The following KIAA0825 variants were observed in gnomAD, a reference collection of about 807,000 sequenced individuals.
The protein encoded by KIAA0825 is KIAA0825.
KIAA0825 carries 119 observed loss-of-function variants against 147.6 expected under a neutral mutation model. The ratio of observed to expected loss-of-function variants is 0.81; its 90% CI spans 0.69 to 0.94. The LOEUF (loss-of-function observed/expected upper bound fraction) is 0.94, where lower values mean the gene tolerates loss of function less well. Ranked by LOEUF, KIAA0825 falls within the 40% of genes least tolerant of loss-of-function variation. The pLI, the probability that KIAA0825 is intolerant of heterozygous loss-of-function variation, is 0.00. For missense variants in KIAA0825, 1,381 were observed against 1,472.7 expected (o/e 0.94, Z 1.02); for synonymous variants, 470 against 518.1 (o/e 0.91, Z 1.26).
At chr5:94,365,304 C>T (rs575973829) in intron 20 of KIAA0825, among the ~76,000 whole-genome samples, 6 of 152,310 alleles carry the variant, frequency 3.9e-5, no homozygotes, top group African/African-American at 1.4e-4. Context: ...ATTCCCTTGG[C>T]GTGAGACGGC....
At position 94,520,574 on chromosome 5, in the gene KIAA0825, A is replaced by G. The variant is rs1767978515; in HGVS notation, c.644T>C (p.Ile215Thr). The stretch of plus-strand genomic sequence containing the variant: ...AAGATTAGCCAACAGTTTATTCTGT[A>G]TGTTTTGGTATTTGATTATAACTTC... ...ESEVIIKYQN[I>T]QNKLLANLLW... is the part of the protein sequence containing the mutation. The change falls in exon 5 of 21, where the codon ATA becomes ACA. Residue 215 changes from isoleucine to threonine, a missense_variant. Ile to Thr is a moderately conservative substitution (Grantham distance 89). Transcript: ENST00000682413. 5 of 1,613,264 alleles carry G rather than the reference A, an allele frequency of 3.1e-6. No homozygotes were observed. The highest frequency in any genetic ancestry group is 3.4e-6 in the Non-Finnish European group (4 of 1,179,504).
At chr5:94,532,003 T>A (rs1770891652) in intron 3 of KIAA0825, among the ~76,000 whole-genome samples, 1 of 152,098 alleles carries the variant, frequency 6.6e-6, no homozygotes, top group African/African-American at 2.4e-5. Context: ...GAAAGCAAAT[T>A]TTTAATATGG....
At chr5:94,266,503 TA>T (rs905330099) in intron 20 of KIAA0825, among the ~76,000 whole-genome samples, 5 of 152,068 alleles carry the variant, frequency 3.3e-5, no homozygotes, top group Non-Finnish European at 5.9e-5. Flanking sequence ...GGTGCTGTAT[TA>T]AAAAAAATCC....
chr5:94,390,159 T>A (rs1054525121), intron 18 of KIAA0825, among the ~76,000 whole-genome samples: 2 of 152,208 alleles, frequency 1.3e-5, no homozygotes, highest in African/African-American at 4.8e-5. Context: ...TTTTGGATGA[T>A]ATTGCTTATT....
chr5:94,596,297 T>C (rs1229993139), intron 1 of KIAA0825, among the ~76,000 whole-genome samples: 4 of 152,242 alleles, frequency 2.6e-5, no homozygotes, highest in Admixed American at 2.0e-4. Context: ...AACTTCTGCA[T>C]ATGGCTAGCC....
chr5:94,347,978 A>G (rs1331845904), intron 20 of KIAA0825, among the ~76,000 whole-genome samples: 3 of 152,212 alleles, frequency 2.0e-5, no homozygotes, highest in Admixed American at 1.3e-4. Context: ...GGTTGGACAT[A>G]TGTTTAGAAA....
chr5:94,574,704 A>AT (rs966071786), intron 2 of KIAA0825, among the ~76,000 whole-genome samples: 2 of 151,856 alleles, frequency 1.3e-5, no homozygotes, highest in African/African-American at 4.8e-5. Flanking sequence ...TTATGTCTTC[A>AT]TTTTTTTTAA....
intron 20 of KIAA0825, among the ~76,000 whole-genome samples, chr5:94,329,672 G>A (rs561836366): frequency 5.1e-4 from 78 of 152,122 alleles, no homozygotes; most frequent in Admixed American, 3.4e-3. Flanking sequence ...TAAATAATAC[G>A]CAAATTAGGA....
intron 2 of KIAA0825, among the ~76,000 whole-genome samples, chr5:94,552,510 C>T (rs1457875966): frequency 6.6e-6 from 1 of 152,138 alleles, no homozygotes; most frequent in Non-Finnish European, 1.5e-5. Context: ...TATGTTAGGA[C>T]ACAAAACAAA....
chr5:94,374,661 G>A (rs1747265728), intron 20 of KIAA0825, among the ~76,000 whole-genome samples: 1 of 152,128 alleles, frequency 6.6e-6, no homozygotes, highest in Non-Finnish European at 1.5e-5. Context: ...TTTCTAGTGG[G>A]TGACTTTAGC....
intron 20 of KIAA0825, among the ~76,000 whole-genome samples, chr5:94,261,233 G>C (rs1776478281): frequency 6.6e-6 from 1 of 152,096 alleles, no homozygotes; most frequent in Non-Finnish European, 1.5e-5. Flanking sequence ...AGCCCCACAG[G>C]TCAAGGCTGC....
At chr5:94,383,512 C>T (rs1272819667) in intron 20 of KIAA0825, among the ~76,000 whole-genome samples, 1 of 152,066 alleles carries the variant, frequency 6.6e-6, no homozygotes, top group Non-Finnish European at 1.5e-5. Flanking sequence ...TCACAAAGAT[C>T]ATATAGACGA....
At chr5:94,478,482 C>CACACACACACACACAA (rs1762149449) in intron 6 of KIAA0825, among the ~76,000 whole-genome samples, 1 of 150,364 alleles carries the variant, frequency 6.7e-6, no homozygotes, top group African/African-American at 2.4e-5. Flanking sequence ...CACACACACA[C>CACACACACACACACAA]AAATTGGGGA....
At chr5:94,365,079 G>C (rs947613842) in intron 20 of KIAA0825, among the ~76,000 whole-genome samples, 2 of 152,098 alleles carry the variant, frequency 1.3e-5, no homozygotes, top group African/African-American at 4.8e-5. Flanking sequence ...CTATGTAAAC[G>C]TCACACCTGC....
At chr5:94,602,851 CAG>C (rs1561381567) in intron 1 of KIAA0825, among the ~76,000 whole-genome samples, 1 of 145,158 alleles carries the variant, frequency 6.9e-6, no homozygotes, top group African/African-American at 2.6e-5. Context: ...TTTTTTGAGA[CAG>C]AGTCTCACTT....
chr5:94,397,652 T>C (rs1289593366), intron 16 of KIAA0825, among the ~76,000 whole-genome samples: 2 of 152,138 alleles, frequency 1.3e-5, no homozygotes, highest in Non-Finnish European at 1.5e-5. Flanking sequence ...CTATGTTCTG[T>C]AGGGTGTTTA....
At chr5:94,252,455 G>GTA (rs551298829) in intron 20 of KIAA0825, among the ~76,000 whole-genome samples, 2,066 of 149,172 alleles carry the variant, frequency 0.014, 20 homozygotes, top group Middle Eastern at 0.021. Flanking sequence ...GTGTGGGTGT[G>GTA]TATATATATA....
At chr5:94,312,639 A>G (rs1010617138) in intron 20 of KIAA0825, among the ~76,000 whole-genome samples, 8 of 151,764 alleles carry the variant, frequency 5.3e-5, no homozygotes, top group African/African-American at 1.7e-4. Context: ...ACACAATTAC[A>G]GTCATCGGCA....
At chr5:94,370,333 T>C (rs1056329930) in intron 20 of KIAA0825, among the ~76,000 whole-genome samples, 2 of 152,210 alleles carry the variant, frequency 1.3e-5, no homozygotes, top group Admixed American at 6.5e-5. Context: ...AAACTCTCTG[T>C]ATTTCAACTG....
Sources: allele counts gnomAD v4.1 joint callset (sites outside exome capture counted in the v4.1 genomes callset), GRCh38; gene constraint gnomAD v4.1.1; transcripts MANE v1.5; gene names NCBI Gene and HGNC (gene_info 2026-07-23, HGNC 2026-07-21).